KRIT1: variants seen among roughly 807,000 people sequenced by gnomAD.
KRIT1 encodes the protein krev interaction trapped protein 1.
KRIT1 carries 45 observed loss-of-function variants against 95.8 expected under a neutral mutation model. That is an observed-to-expected ratio of 0.47 (90% confidence interval 0.37 to 0.60). The LOEUF is 0.60. Among genes scored for constraint, KRIT1 ranks in the 20% least tolerant of loss-of-function variants. The pLI is 0.00. For missense variants in KRIT1, 788 were observed against 877.5 expected (o/e 0.90, Z 1.29); for synonymous variants, 282 against 278.8 (o/e 1.01, Z -0.11).
In KRIT1 at chr7:92,244,024, A is replaced by AT. The variant is rs1734918919; in HGVS notation, c.-26dup. ...CACCTCATGCAACAGACCTTCCTAC[A>AT]TCATGTGAAAAGGATGAGGCCTTTT... On this transcript the variant is annotated 5_prime_UTR_variant, in exon 3 of 19. It adds an upstream start codon to the 5' untranslated region. Coordinates refer to ENST00000394505, the MANE Select transcript of KRIT1 (RefSeq NM_194454.3). 1 of 152,156 alleles carries AT rather than the reference A, an allele frequency of 6.6e-6. No homozygotes were observed. Among genetic ancestry groups the AT allele is most frequent in the Non-Finnish European group, 1.5e-5 (1 of 67,986 alleles). 9.4% of individuals were successfully genotyped at this position (152,156 alleles called of 1,614,324 possible). A position where few individuals can be genotyped will look rare whatever the true frequency, so the allele number is the denominator to read the frequency against.
intron 14 of KRIT1, among the ~76,000 whole-genome samples, chr7:92,217,774 T>C (rs1288175363): frequency 6.6e-6 from 1 of 152,214 alleles, no homozygotes; most frequent in Non-Finnish European, 1.5e-5. Context: ...CAGGCATATA[T>C]CTAGGAGTGG....
At chr7:92,205,271 C>T (rs1455885564) in intron 17 of KRIT1, among the ~76,000 whole-genome samples, 1 of 151,898 alleles carries the variant, frequency 6.6e-6, no homozygotes, top group African/African-American at 2.4e-5. Flanking sequence ...GCTTGAACCC[C>T]GGAGGCAGAG....
At chr7:92,201,490 A>G in intron 17 of KRIT1, 67 bp from the exon 18 acceptor site, 2 of 809,188 alleles carry the variant, frequency 2.5e-6, no homozygotes, top group East Asian at 2.4e-5. Flanking sequence ...TTCTCTTACT[A>G]TCTACATTTA....
chr7:92,238,947 A>G (rs915440348), intron 5 of KRIT1, among the ~76,000 whole-genome samples: 2 of 152,240 alleles, frequency 1.3e-5, no homozygotes, highest in African/African-American at 4.8e-5. Flanking sequence ...ACAGCACAGT[A>G]CAAAAATTTT....
intron 5 of KRIT1, 31 bp downstream of exon 5, chr7:92,240,962 C>A: frequency 6.6e-7 from 1 of 1,504,152 alleles, no homozygotes; most frequent in African/African-American, 1.4e-5. Context: ...GTATTTTAAA[C>A]AATGTGTTTT....
Position 92,217,546 on chromosome 7 carries a change from T to C in KRIT1, c.1564-2769A>G, listed in dbSNP as rs1206985820. On this transcript the variant is annotated intron_variant, in intron 14 of 18. Transcript: ENST00000394505. ...TAAATATTTGTTCTTTTGTGTCTGGTTTATTTAGTATGTTTTCAAGGTTCA... is the reference window on the plus strand; with the variant it reads ...TAAATATTTGTTCTTTTGTGTCTGGCTTATTTAGTATGTTTTCAAGGTTCA... Among the ~76,000 whole-genome samples, 17 of 152,282 alleles carry C rather than the reference T, an allele frequency of 1.1e-4. No homozygotes were observed. The East Asian group carries it at 3.1e-3, about 28-fold the overall frequency.
At chr7:92,243,787 C>T (rs1236042072) in intron 3 of KRIT1, among the ~76,000 whole-genome samples, 2 of 151,982 alleles carry the variant, frequency 1.3e-5, no homozygotes, top group Non-Finnish European at 2.9e-5. Context: ...AATTTAAATA[C>T]TTTTCAAATT....
chr7:92,245,076 G>T lies in KRIT1; in HGVS notation c.-325C>A, dbSNP rs1800578567. The T allele has an allele frequency of 6.6e-6, 1 of 151,996 alleles. No individual in the cohort carries two copies. The highest frequency in any genetic ancestry group is 2.1e-4 in the South Asian group (1 of 4,822). The allele number at this position is 151,996 out of a possible 1,614,324, so 9.4% of individuals were successfully genotyped here. ...GCACATATGCACTCCAGAAGGGTAAGAAAATAATGAGGCTGAGATCCTGAG... is the reference window on the plus strand; with the variant it reads ...GCACATATGCACTCCAGAAGGGTAATAAAATAATGAGGCTGAGATCCTGAG... On this transcript the variant is annotated 5_prime_UTR_variant, in exon 2 of 19. Coordinates refer to ENST00000394505, the MANE Select transcript of KRIT1 (RefSeq NM_194454.3).
intron 17 of KRIT1, among the ~76,000 whole-genome samples, chr7:92,210,921 T>C (rs901746980): frequency 6.6e-6 from 1 of 152,118 alleles, no homozygotes; most frequent in African/African-American, 2.4e-5. Context: ...AAGAAGTATA[T>C]TAAAAAATGC....
chr7:92,227,701 A>G (rs1278352788), intron 10 of KRIT1, among the ~76,000 whole-genome samples: 1 of 151,446 alleles, frequency 6.6e-6, no homozygotes, highest in Non-Finnish European at 1.5e-5. Context: ...CGCCCAGCTA[A>G]TTTTTGTGTC....
rs549970682 is a variant in KRIT1, at chr7:92,235,303, A to G, written c.729+100T>C. On this transcript the variant is annotated intron_variant, in intron 8 of 18. Coordinates refer to ENST00000394505, the MANE Select transcript of KRIT1 (RefSeq NM_194454.3). ...GCGTGAGCCACTGTACCAGGCCTTC[A>G]TGTTTATAATTAGTAATAGATGTAT... 3.3e-6 allele frequency: 4 copies of G among 1,223,160 alleles called. No individual in the cohort carries two copies. In the South Asian group the frequency reaches 4.9e-5, roughly 15 times the overall value. The allele number at this position is 1,223,160 out of a possible 1,614,324, so 75.8% of individuals were successfully genotyped here. A position where few individuals can be genotyped will look rare whatever the true frequency, so the allele number is the denominator to read the frequency against.
At chr7:92,229,015 T>C (rs1584932091) in intron 10 of KRIT1, among the ~76,000 whole-genome samples, 2 of 152,368 alleles carry the variant, frequency 1.3e-5, no homozygotes, top group Admixed American at 1.3e-4. Context: ...TTCTATGTCT[T>C]TGCTATTGTG....
chr7:92,204,393 CA>C (rs1013524847), intron 17 of KRIT1, among the ~76,000 whole-genome samples: 4 of 151,934 alleles, frequency 2.6e-5, no homozygotes, highest in Non-Finnish European at 5.9e-5. Context: ...CTTCCACAGA[CA>C]GGGGTGTCAG....
intron 8 of KRIT1, 127 bp downstream of exon 8, chr7:92,235,275 CA>C: frequency 2.1e-6 from 2 of 938,000 alleles, no homozygotes; most frequent in Non-Finnish European, 3.3e-6. Context: ...GCTGGGATTA[CA>C]GGCGTGAGCC....
intron 6 of KRIT1, 91 bp from the exon 7 acceptor site, chr7:92,236,633 T>A: frequency 1.1e-6 from 1 of 875,830 alleles, no homozygotes; most frequent in Non-Finnish European, 1.9e-6. Context: ...AAATGAAAAC[T>A]TGTTAAGTAT....
At position 92,221,922 on chromosome 7, in the gene KRIT1, G is replaced by A; in HGVS notation, c.1543C>T (p.Pro515Ser). ...CAAACCTGTTTTTCAACTTCCAAGG[G>A]AAGTCTCACATCTCTTCTTAGAAAA... ...QLFLRRDVRL[P>S]LEVEKQIEDP... Residue 515 changes from proline to serine, a missense_variant, in exon 14 of 19, where the codon CCC (proline) becomes TCC (serine). Around this residue, in one of 3 missense-constraint regions of KRIT1, gnomAD observed 493 missense variants for 582.3 expected, o/e 0.85. Coordinates refer to ENST00000394505, the MANE Select transcript of KRIT1 (RefSeq NM_194454.3). 2 of 1,613,792 alleles carry A rather than the reference G, an allele frequency of 1.2e-6. No homozygotes were observed. Among genetic ancestry groups the A allele is most frequent in the Non-Finnish European group, 1.7e-6 (2 of 1,179,824 alleles).
chr7:92,222,989 C>T lies in KRIT1; in HGVS notation c.1255-11G>A, dbSNP rs369700319. On this transcript the variant is annotated splice_polypyrimidine_tract_variant and intron_variant, in intron 12 of 18. Coordinates refer to ENST00000394505, the MANE Select transcript of KRIT1 (RefSeq NM_194454.3). ...TCGAACTTTTTCATACTACAAGAAACGATAACTTACGTAACGAACTTAAAA... is the reference window on the plus strand; with the variant it reads ...TCGAACTTTTTCATACTACAAGAAATGATAACTTACGTAACGAACTTAAAA... The T allele has an allele frequency of 2.3e-5, 36 of 1,582,892 alleles. No homozygotes were observed. The Middle Eastern group carries it at 5.0e-4, about 22-fold the overall frequency.
At chr7:92,239,707 C>CTTT (rs35969231) in intron 5 of KRIT1, among the ~76,000 whole-genome samples, 22 of 132,574 alleles carry the variant, frequency 1.7e-4, no homozygotes, top group Non-Finnish European at 2.3e-4. Flanking sequence ...TATGCAGGAA[C>CTTT]TTTTTTTTTT....
At chr7:92,237,923 A>T (rs1798770059) in intron 5 of KRIT1, among the ~76,000 whole-genome samples, 164 bp from the exon 6 acceptor site, 1 of 152,180 alleles carries the variant, frequency 6.6e-6, no homozygotes, top group African/African-American at 2.4e-5. Context: ...GATAAATGCA[A>T]AATCATTCTG....
Sources: allele counts gnomAD v4.1 joint callset (sites outside exome capture counted in the v4.1 genomes callset), GRCh38; gene constraint gnomAD v4.1.1; regional missense constraint gnomAD v4.1.1; transcripts MANE v1.5; gene names NCBI Gene and HGNC (gene_info 2026-07-23, HGNC 2026-07-21).